Variants in CNTLN observed in about 807,000 individuals in gnomAD.
CNTLN encodes the protein centlein, centrosomal protein.
A neutral mutation model predicts 180.0 loss-of-function variants in CNTLN; 212 were observed. The observed-to-expected ratio is 1.18, with a 90% confidence interval of 1.05 to 1.32. The LOEUF is 1.32. Among genes scored for constraint, CNTLN ranks in the 40% most tolerant of loss-of-function variants. CNTLN has a pLI of 0.00. For synonymous variants in CNTLN, 722 were observed against 563.1 expected, an observed-to-expected ratio of 1.28 and a Z score of -3.99; for missense variants, 2,095 against 1,610.9, an observed-to-expected ratio of 1.30 and a Z score of -5.14.
At chr9:17,150,435 AG>A (rs1818781796) in intron 2 of CNTLN, among the ~76,000 whole-genome samples, 1 of 152,184 alleles carries the variant, frequency 6.6e-6, no homozygotes, top group South Asian at 2.1e-4. Flanking sequence ...TGTGTGTGTC[AG>A]GTTTGTCAAA....
chr9:17,147,834 C>T lies in CNTLN; in HGVS notation c.449+4458C>T, dbSNP rs529498845. ...ATTTTTAAAAATAGTATAATAATGC[C>T]GTGATGAATGGCTTTTTGGATAAAG... On this transcript the variant is annotated intron_variant, in intron 2 of 25. Coordinates refer to ENST00000380647, the MANE Select transcript of CNTLN (RefSeq NM_017738.4). Among the ~76,000 whole-genome samples the T allele has an allele frequency of 8.5e-5, 13 of 152,074 alleles. 1 individual carries two copies. In the East Asian group the frequency reaches 1.7e-3, roughly 20 times the overall value.
chr9:17,252,715 G>T (rs1198723344), intron 5 of CNTLN, among the ~76,000 whole-genome samples: 2 of 151,552 alleles, frequency 1.3e-5, no homozygotes, highest in Admixed American at 1.3e-4. Flanking sequence ...TCTGTTTTTT[G>T]TAGGCTGAAT....
chr9:17,173,348 C>A (rs2131664849), intron 2 of CNTLN, among the ~76,000 whole-genome samples: 1 of 152,222 alleles, frequency 6.6e-6, no homozygotes. Flanking sequence ...AACATAATAA[C>A]TTTATGAAAT....
chr9:17,359,021 C>A (rs1021321492), intron 12 of CNTLN, among the ~76,000 whole-genome samples: 2 of 151,854 alleles, frequency 1.3e-5, no homozygotes, highest in African/African-American at 2.4e-5. Flanking sequence ...CCCTCCCCTC[C>A]CCTCCCCTCT....
intron 2 of CNTLN, chr9:17,166,855 T>C: frequency 2.2e-6 from 1 of 457,666 alleles, no homozygotes; most frequent in Non-Finnish European, 4.5e-6. Context: ...AAACGAAGAA[T>C]ATACCAAAAA....
At chr9:17,222,493 C>G (rs112802035) in intron 2 of CNTLN, among the ~76,000 whole-genome samples, 3,653 of 152,038 alleles carry the variant, frequency 0.024, 153 homozygotes, top group African/African-American at 0.083. Context: ...TATATGAAAG[C>G]AAGGGAGATC....
At chr9:17,323,262 GTA>G (rs1820043128) in intron 8 of CNTLN, among the ~76,000 whole-genome samples, 1 of 152,058 alleles carries the variant, frequency 6.6e-6, no homozygotes, top group Non-Finnish European at 1.5e-5. Flanking sequence ...CAACCCAAAG[GTA>G]GTCATACATT....
chr9:17,247,827 GTTCT>G (rs1290483640), intron 5 of CNTLN, among the ~76,000 whole-genome samples: 6 of 109,894 alleles, frequency 5.5e-5, no homozygotes, highest in Admixed American at 1.8e-4. Flanking sequence ...TGGTTTCTCT[GTTCT>G]TTCTTTTTTT....
Position 17,464,573 on chromosome 9 carries a change from T to A in CNTLN, c.3481T>A (p.Leu1161Met). ...EDLKFRQKVN[L>M]ESNKSFSEML... ...CTTGAAATTTCGACAGAAAGTAAAT[T>A]TGGAAAGTAACAAGAGTTTTAGTGA... Residue 1161 changes from leucine (L) to methionine (M), a missense_variant, in exon 21 of 26, where the codon TTG becomes ATG. Coordinates refer to ENST00000380647, the MANE Select transcript of CNTLN (RefSeq NM_017738.4). 6.6e-7 allele frequency: 1 copy of A among 1,518,900 alleles called. No homozygotes were observed. The highest frequency in any genetic ancestry group is 8.8e-7 in the Non-Finnish European group (1 of 1,135,368). 94.1% of individuals were successfully genotyped at this position (1,518,900 alleles called of 1,614,324 possible).
chr9:17,299,654 CTTT>C (rs2132810591), intron 7 of CNTLN: 1 of 984,906 alleles, frequency 1.0e-6, no homozygotes, highest in South Asian at 4.7e-5. Flanking sequence ...GCAGTGCTGC[CTTT>C]TTGTTTTATG....
At chr9:17,371,928 A>C (rs1389537609) in intron 13 of CNTLN, among the ~76,000 whole-genome samples, 1 of 152,150 alleles carries the variant, frequency 6.6e-6, no homozygotes, top group Non-Finnish European at 1.5e-5. Flanking sequence ...TGATAATGGA[A>C]GCACAACATA....
intron 13 of CNTLN, among the ~76,000 whole-genome samples, chr9:17,384,839 A>G (rs1825562821): frequency 1.3e-5 from 2 of 151,978 alleles, no homozygotes; most frequent in Non-Finnish European, 2.9e-5. Flanking sequence ...TTTTTCTTCC[A>G]CCCAACAACT....
chr9:17,441,352 TA>T (rs1284483087), intron 18 of CNTLN, among the ~76,000 whole-genome samples: 2 of 152,060 alleles, frequency 1.3e-5, no homozygotes, highest in African/African-American at 2.4e-5. Flanking sequence ...TAATAGGTAT[TA>T]AAAAACATAA....
chr9:17,195,783 C>A (rs1175213066), intron 2 of CNTLN, among the ~76,000 whole-genome samples: 1 of 151,968 alleles, frequency 6.6e-6, no homozygotes, highest in Admixed American at 6.6e-5. Flanking sequence ...AAGAAACTCT[C>A]TTCCCTGCAT....
chr9:17,365,145 A>C (rs1483875408), intron 12 of CNTLN, among the ~76,000 whole-genome samples: 1 of 152,118 alleles, frequency 6.6e-6, no homozygotes. Flanking sequence ...GTGGTGAAGG[A>C]GGGGTCTGGT....
intron 2 of CNTLN, among the ~76,000 whole-genome samples, chr9:17,202,755 G>C (rs941164964): frequency 1.4e-5 from 2 of 147,526 alleles, no homozygotes; most frequent in African/African-American, 5.0e-5. Flanking sequence ...TGGGTCTCCT[G>C]AGTGCAGCAC....
chr9:17,188,371 G>T (rs1016865334), intron 2 of CNTLN, among the ~76,000 whole-genome samples: 1 of 152,180 alleles, frequency 6.6e-6, no homozygotes, highest in East Asian at 1.9e-4. Flanking sequence ...GCAAAGCAAA[G>T]ATAGTTTTCA....
chr9:17,424,269 T>C (rs1828932909), intron 18 of CNTLN, among the ~76,000 whole-genome samples: 1 of 152,218 alleles, frequency 6.6e-6, no homozygotes, highest in Non-Finnish European at 1.5e-5. Context: ...TAAGGCAGAC[T>C]ATATTGACTT....
At chr9:17,173,257 C>G (rs1563847518) in intron 2 of CNTLN, among the ~76,000 whole-genome samples, 1 of 152,084 alleles carries the variant, frequency 6.6e-6, no homozygotes, top group Non-Finnish European at 1.5e-5. Context: ...TTCATGTCTT[C>G]TAACCTGATA....
Sources: gnomAD v4.1 joint callset for allele counts (sites outside exome capture counted in the v4.1 genomes callset) on GRCh38, gnomAD v4.1.1 for gene constraint, MANE v1.5 for transcripts, NCBI Gene and HGNC (gene_info 2026-07-23, HGNC 2026-07-21) for gene names.